The following CTNNA3 variants were observed in gnomAD, a reference collection of about 807,000 sequenced individuals.
The protein encoded by CTNNA3 is catenin alpha-3.
A neutral mutation model predicts 95.7 loss-of-function variants in CTNNA3; 76 were observed. The observed-to-expected ratio is 0.79, with a 90% CI of 0.66 to 0.96. The LOEUF is 0.96. Ranked by LOEUF, CTNNA3 falls within the 40% of genes least tolerant of loss-of-function variation. The probability of loss-of-function intolerance (pLI) is 0.00; values close to 1 mark genes in which losing one functional copy is unlikely to be tolerated. For missense variants in CTNNA3, 1,191 were observed against 1,089.8 expected (o/e 1.09, Z -1.31); for synonymous variants, 431 against 374.4 (o/e 1.15, Z -1.74).
chr10:66,337,285 AG>A (rs1399422856), intron 12 of CTNNA3, among the ~76,000 whole-genome samples: 1 of 152,140 alleles, frequency 6.6e-6, no homozygotes. Flanking sequence ...AAGAGTGTAA[AG>A]GAGTCCTGAG....
At chr10:67,121,325 A>T (rs1859453541) in intron 7 of CTNNA3, among the ~76,000 whole-genome samples, 1 of 152,062 alleles carries the variant, frequency 6.6e-6, no homozygotes, top group Non-Finnish European at 1.5e-5. Context: ...GAAGCTTTGG[A>T]CATGTACTCA....
At chr10:67,236,666 A>G (rs553640154) in intron 5 of CTNNA3, among the ~76,000 whole-genome samples, 3 of 152,052 alleles carry the variant, frequency 2.0e-5, no homozygotes, top group South Asian at 4.1e-4. Context: ...TATAATAATA[A>G]TAAATAAAAA....
intron 5 of CTNNA3, among the ~76,000 whole-genome samples, chr10:67,300,294 A>G (rs551386449): frequency 4.6e-5 from 7 of 152,340 alleles, no homozygotes; most frequent in Admixed American, 4.6e-4. Flanking sequence ...AAGGGCCACC[A>G]GCTGGTCTCC....
At chr10:66,692,582 C>A (rs1184722009) in intron 9 of CTNNA3, among the ~76,000 whole-genome samples, 2 of 152,042 alleles carry the variant, frequency 1.3e-5, no homozygotes, top group Non-Finnish European at 2.9e-5. Flanking sequence ...GCAAGGCAGG[C>A]CAACATTCAG....
At chr10:66,923,002 C>T (rs980137850) in intron 7 of CTNNA3, among the ~76,000 whole-genome samples, 9 of 152,036 alleles carry the variant, frequency 5.9e-5, no homozygotes, top group Non-Finnish European at 1.0e-4. Flanking sequence ...ACAATTAATT[C>T]ATTATTGACT....
intron 1 of CTNNA3, among the ~76,000 whole-genome samples, chr10:67,677,787 G>T (rs1455555253): frequency 2.0e-5 from 3 of 152,102 alleles, no homozygotes; most frequent in Non-Finnish European, 2.9e-5. Flanking sequence ...AAAAGAGAAG[G>T]CAGACATAAG....
intron 3 of CTNNA3, among the ~76,000 whole-genome samples, chr10:67,555,262 T>G (rs916513142): frequency 4.6e-5 from 7 of 152,180 alleles, no homozygotes; most frequent in African/African-American, 1.7e-4. Context: ...CATATGAACT[T>G]TAAGTAGTTT....
chr10:67,089,884 C>T (rs1857529132), intron 7 of CTNNA3, among the ~76,000 whole-genome samples: 1 of 151,996 alleles, frequency 6.6e-6, no homozygotes, highest in Non-Finnish European at 1.5e-5. Flanking sequence ...GTGTCTTCAT[C>T]ATGTTTGTTC....
intron 3 of CTNNA3, among the ~76,000 whole-genome samples, chr10:67,573,572 T>C (rs1842044645): frequency 6.6e-6 from 1 of 152,012 alleles, no homozygotes; most frequent in African/African-American, 2.4e-5. Flanking sequence ...GAAACATTTG[T>C]AAAAGCTGAA....
At chr10:67,183,416 A>G (rs1312075569) in intron 6 of CTNNA3, among the ~76,000 whole-genome samples, 1 of 152,102 alleles carries the variant, frequency 6.6e-6, no homozygotes, top group Non-Finnish European at 1.5e-5. Flanking sequence ...GGAAACCATC[A>G]TTGTCAGCAA....
rs148532832 is a variant in CTNNA3, at chr10:67,053,001, A to G, written c.1047+127316T>C. 3.4e-3 allele frequency among the ~76,000 whole-genome samples: 520 copies of G among 152,346 alleles called. 6 individuals are homozygous for G. Among genetic ancestry groups the G allele is most frequent in the African/African-American group, 0.012 (508 of 41,578 alleles). ...TACACTGACTATGTGTTTCAGTTGT[A>G]AAGAAAAATAACATTAAAGAGCAGG... On this transcript the variant is annotated intron_variant, in intron 7 of 17. Transcript: ENST00000433211.
intron 12 of CTNNA3, among the ~76,000 whole-genome samples, chr10:66,308,148 T>G (rs181196132): frequency 1.3e-5 from 2 of 152,306 alleles, no homozygotes; most frequent in Non-Finnish European, 2.9e-5. Flanking sequence ...AAATGAAAAT[T>G]TAAGATGCCA....
intron 11 of CTNNA3, among the ~76,000 whole-genome samples, chr10:66,403,341 T>C (rs533096901): frequency 1.3e-5 from 2 of 152,130 alleles, no homozygotes; most frequent in East Asian, 3.9e-4. Flanking sequence ...GACATACCTG[T>C]GACCAGGTAA....
intron 5 of CTNNA3, among the ~76,000 whole-genome samples, chr10:67,389,957 G>C (rs1392777340): frequency 6.6e-6 from 1 of 150,536 alleles, no homozygotes; most frequent in Non-Finnish European, 1.5e-5. Flanking sequence ...GAGAAAGCAG[G>C]AAAGATCCAA....
At chr10:66,473,650 T>C (rs1839215218) in intron 11 of CTNNA3, among the ~76,000 whole-genome samples, 1 of 152,138 alleles carries the variant, frequency 6.6e-6, no homozygotes, top group African/African-American at 2.4e-5. Flanking sequence ...TATCTCCTAA[T>C]GCTATCCCTC....
chr10:66,872,633 C>T (rs564102478), intron 7 of CTNNA3, among the ~76,000 whole-genome samples: 54 of 152,188 alleles, frequency 3.5e-4, no homozygotes, highest in African/African-American at 1.2e-3. Flanking sequence ...TGTGCCACTG[C>T]ACTCTAGCCT....
At chr10:67,459,871 T>G (rs1194370761) in intron 5 of CTNNA3, among the ~76,000 whole-genome samples, 2 of 152,170 alleles carry the variant, frequency 1.3e-5, no homozygotes. Context: ...GCTCCAAGAA[T>G]CTACACTAAA....
chr10:67,028,800 A>C (rs1853546317), intron 7 of CTNNA3, among the ~76,000 whole-genome samples: 1 of 152,210 alleles, frequency 6.6e-6, no homozygotes, highest in Admixed American at 6.5e-5. Flanking sequence ...TTTCCTCCCA[A>C]GCATTCTACA....
At chr10:66,681,538 A>G (rs1017588883) in intron 9 of CTNNA3, among the ~76,000 whole-genome samples, 12 of 152,276 alleles carry the variant, frequency 7.9e-5, no homozygotes, top group Admixed American at 6.5e-4. Flanking sequence ...ACAAAACAAT[A>G]TCGGAGTCCT....
Sources: gnomAD v4.1 joint callset for allele counts (sites outside exome capture counted in the v4.1 genomes callset) on GRCh38, gnomAD v4.1.1 for gene constraint, MANE v1.5 for transcripts, NCBI Gene and HGNC (gene_info 2026-07-23, HGNC 2026-07-21) for gene names.